SERGEF: variants seen among roughly 807,000 people sequenced by gnomAD.
SERGEF encodes the protein secretion-regulating guanine nucleotide exchange factor.
A neutral mutation model predicts 50.0 loss-of-function variants in SERGEF; 51 were observed. That is an observed-to-expected ratio of 1.02 (90% CI 0.81 to 1.29). The LOEUF (loss-of-function observed/expected upper bound fraction) is 1.29. Ranked by LOEUF, SERGEF falls within the 50% of genes most tolerant of loss-of-function variation. The pLI is 0.00. For missense variants in SERGEF, 521 were observed against 557.0 expected, an observed-to-expected ratio of 0.94 and a Z score of 0.65; for synonymous variants, 205 against 212.4, an observed-to-expected ratio of 0.97 and a Z score of 0.30.
chr11:17,948,395 G>A (rs1053055603), intron 9 of SERGEF, among the ~76,000 whole-genome samples: 12 of 152,110 alleles, frequency 7.9e-5, no homozygotes, highest in East Asian at 3.9e-4. Context: ...AGATCAAGCC[G>A]CAGTGTAGTC....
chr11:18,013,016 GA>G lies in SERGEF; in HGVS notation c.-7del. ...GCGCTGGGCTCGCGCTCCATGCGAG[GA>G]CGCTCCGCCGGCGCTTCCGGGAGGG... On this transcript the variant is annotated 5_prime_UTR_variant, in exon 1 of 11. Coordinates refer to ENST00000265965, the MANE Select transcript of SERGEF (RefSeq NM_012139.4). The surrounding 1 kb of genome is among the most constrained non-coding windows in gnomAD (Gnocchi z 4.3). The G allele has an allele frequency of 7.2e-7, 1 of 1,381,664 alleles. No homozygotes were observed. Among genetic ancestry groups the G allele is most frequent in the Non-Finnish European group, 9.3e-7 (1 of 1,078,742 alleles). 85.6% of individuals were successfully genotyped at this position (1,381,664 alleles called of 1,614,324 possible). A position where few individuals can be genotyped will look rare whatever the true frequency, so the allele number is the denominator to read the frequency against.
At chr11:17,919,138 T>A (rs891863934) in intron 9 of SERGEF, among the ~76,000 whole-genome samples, 33 of 152,240 alleles carry the variant, frequency 2.2e-4, no homozygotes, top group Admixed American at 4.6e-4. Context: ...TTATTTCAAG[T>A]CTGCTTCCTC....
intron 10 of SERGEF, among the ~76,000 whole-genome samples, chr11:17,803,355 C>T (rs887701500): frequency 1.3e-5 from 2 of 152,196 alleles, no homozygotes; most frequent in Non-Finnish European, 2.9e-5. Context: ...TGTAGGCTGA[C>T]CCTCTGCTTT....
At chr11:17,846,032 C>T (rs556135254) in intron 10 of SERGEF, among the ~76,000 whole-genome samples, 102 of 152,260 alleles carry the variant, frequency 6.7e-4, no homozygotes, top group African/African-American at 2.4e-3. Flanking sequence ...TATCCTTACT[C>T]CTTGCCTGGA....
chr11:17,902,092 C>T (rs1851757767), intron 9 of SERGEF, among the ~76,000 whole-genome samples: 1 of 152,174 alleles, frequency 6.6e-6, no homozygotes, highest in African/African-American at 2.4e-5. Flanking sequence ...AGGTTGCATG[C>T]TTTATAGTTT....
intron 10 of SERGEF, among the ~76,000 whole-genome samples, chr11:17,861,557 G>T (rs1850927223): frequency 6.6e-6 from 1 of 152,218 alleles, no homozygotes; most frequent in South Asian, 2.1e-4. Context: ...CAGAGTTACT[G>T]TAAGAATGAA....
chr11:17,793,477 A>G (rs1849519086), intron 10 of SERGEF, among the ~76,000 whole-genome samples: 1 of 152,218 alleles, frequency 6.6e-6, no homozygotes, highest in African/African-American at 2.4e-5. Flanking sequence ...CAGGGGCACA[A>G]TGAAGCTGGC....
At chr11:17,791,740 TG>T (rs1849487085) in intron 10 of SERGEF, among the ~76,000 whole-genome samples, 1 of 152,210 alleles carries the variant, frequency 6.6e-6, no homozygotes, top group South Asian at 2.1e-4. Context: ...ATCTGTTCAA[TG>T]GGGACAGTAA....
In SERGEF at chr11:17,943,896, G is replaced by C. The variant is rs117147437; in HGVS notation, c.1011+15574C>G. Among the ~76,000 whole-genome samples, 4 of 151,962 alleles carry C rather than the reference G, an allele frequency of 2.6e-5. No individual in the cohort carries two copies. In the East Asian group the frequency reaches 7.7e-4, roughly 29 times the overall value. ...TCTCAACGTTTCACTAGCTTTGCTCGCTATATCCCCTTCCCTCTATTTGTT... is the reference window on the plus strand; with the variant it reads ...TCTCAACGTTTCACTAGCTTTGCTCCCTATATCCCCTTCCCTCTATTTGTT... On this transcript the variant is annotated intron_variant, in intron 9 of 10. Transcript: ENST00000265965.
intron 10 of SERGEF, among the ~76,000 whole-genome samples, chr11:17,848,637 A>G (rs1032232853): frequency 2.6e-5 from 4 of 152,242 alleles, no homozygotes; most frequent in Admixed American, 6.5e-5. Context: ...AAATTAGTGA[A>G]GCAGATAGGT....
At chr11:17,799,458 C>A (rs2133824291) in intron 10 of SERGEF, among the ~76,000 whole-genome samples, 1 of 152,264 alleles carries the variant, frequency 6.6e-6, no homozygotes, top group East Asian at 1.9e-4. Flanking sequence ...ATTAAATGAA[C>A]ATGCCAATCT....
chr11:17,808,261 GAA>G (rs1849800049), intron 10 of SERGEF, among the ~76,000 whole-genome samples: 1 of 152,224 alleles, frequency 6.6e-6, no homozygotes, highest in Non-Finnish European at 1.5e-5. Context: ...AATTTATAAA[GAA>G]AAGAGGTTTA....
chr11:17,790,644 G>A (rs1365576540), intron 10 of SERGEF, among the ~76,000 whole-genome samples: 7 of 152,252 alleles, frequency 4.6e-5, no homozygotes, highest in Middle Eastern at 3.4e-3. Flanking sequence ...GTACAAACTG[G>A]TATTTGTACA....
intron 10 of SERGEF, among the ~76,000 whole-genome samples, chr11:17,873,878 GA>G (rs1851196012): frequency 6.6e-6 from 1 of 152,216 alleles, no homozygotes; most frequent in South Asian, 2.1e-4. Context: ...ACATCAGGAA[GA>G]AGGCAAGCAA....
chr11:17,956,802 C>G (rs1331487025), intron 9 of SERGEF, among the ~76,000 whole-genome samples: 2 of 152,180 alleles, frequency 1.3e-5, no homozygotes, highest in Non-Finnish European at 2.9e-5. Context: ...AAACATCAGC[C>G]TAGTCCAACA....
intron 9 of SERGEF, among the ~76,000 whole-genome samples, chr11:17,910,901 G>T (rs1851939939): frequency 6.6e-6 from 1 of 152,184 alleles, no homozygotes; most frequent in South Asian, 2.1e-4. Flanking sequence ...GGGCCTCGTG[G>T]CTCAGGTGGG....
intron 9 of SERGEF, among the ~76,000 whole-genome samples, chr11:17,917,935 T>G (rs1207197672): frequency 6.6e-6 from 1 of 152,246 alleles, no homozygotes; most frequent in Non-Finnish European, 1.5e-5. Flanking sequence ...ACTGTTGTTT[T>G]GATTATTTAA....
chr11:17,832,136 A>T (rs1277482211), intron 10 of SERGEF, among the ~76,000 whole-genome samples: 1 of 152,180 alleles, frequency 6.6e-6, no homozygotes, highest in Admixed American at 6.5e-5. Context: ...AGATGGCGAT[A>T]TGGTTTGGCT....
chr11:17,809,835 G>C (rs1169455069), intron 10 of SERGEF, among the ~76,000 whole-genome samples: 1 of 152,192 alleles, frequency 6.6e-6, no homozygotes, highest in Non-Finnish European at 1.5e-5. Flanking sequence ...CACAGTCCTG[G>C]TAGATGAATC....
Sources: gnomAD v4.1 joint callset for allele counts (sites outside exome capture counted in the v4.1 genomes callset) on GRCh38, gnomAD v4.1.1 for gene constraint, Gnocchi (gnomAD v3.1) non-coding constraint, MANE v1.5 for transcripts, NCBI Gene and HGNC (gene_info 2026-07-23, HGNC 2026-07-21) for gene names.